Variants in GLIS3 observed in about 807,000 individuals in gnomAD.
GLIS3 encodes the protein zinc finger protein GLIS3.
In GLIS3, 53 loss-of-function variants were observed where a neutral mutation model predicts 78.6. That is an observed-to-expected ratio of 0.67 (90% CI 0.54 to 0.85). GLIS3 has a LOEUF of 0.85. GLIS3 is among the 40% of genes least tolerant of loss of function. The probability of loss-of-function intolerance (pLI) is 0.00; values close to 1 mark genes in which losing one functional copy is unlikely to be tolerated. For missense variants in GLIS3, 1,703 were observed against 1,231.1 expected (o/e 1.38, Z -5.74); for synonymous variants, 684 against 509.9 (o/e 1.34, Z -4.60).
In GLIS3 at chr9:3,985,638, T is replaced by C. The variant is rs116419268; in HGVS notation, c.1711-48449A>G. Among the ~76,000 whole-genome samples the C allele has an allele frequency of 3.3e-3, 498 of 152,352 alleles. 6 individuals are homozygous for C. Among genetic ancestry groups the C allele is most frequent in the African/African-American group, 0.011 (468 of 41,590 alleles). On this transcript the variant is annotated intron_variant, in intron 4 of 10. Transcript: ENST00000381971. ...CAACAGCTACTATTAGATTCACTAT[T>C]TTCTAAGAAACAATGTCAATTAGTA...
chr9:4,396,532 T>C, the GLIS3 span, among the ~76,000 whole-genome samples: 1 of 152,236 alleles, frequency 6.6e-6, no homozygotes, highest in Non-Finnish European at 1.5e-5. Context: ...TACTTTGATT[T>C]CTTAGTGACA....
the GLIS3 span, among the ~76,000 whole-genome samples, chr9:4,457,530 C>T: frequency 6.6e-6 from 1 of 151,836 alleles, no homozygotes. Context: ...CATCTTTGGG[C>T]CCTGTAATCA....
chr9:4,069,420 T>C (rs759102136), intron 4 of GLIS3, among the ~76,000 whole-genome samples: 6 of 152,168 alleles, frequency 3.9e-5, no homozygotes, highest in Non-Finnish European at 8.8e-5. Context: ...GGAGATAAGA[T>C]ACCTATATAT....
the GLIS3 span, among the ~76,000 whole-genome samples, chr9:4,486,683 G>A: frequency 6.6e-6 from 1 of 151,998 alleles, no homozygotes; most frequent in Non-Finnish European, 1.5e-5. Context: ...AAGGGCCTTG[G>A]TCCTCCCAGT....
intron 2 of GLIS3, among the ~76,000 whole-genome samples, chr9:4,177,487 G>A (rs1419879803): frequency 6.6e-6 from 1 of 152,150 alleles, no homozygotes; most frequent in Non-Finnish European, 1.5e-5. Flanking sequence ...TACAGGTGAA[G>A]GTGCTGGAGC....
the GLIS3 span, among the ~76,000 whole-genome samples, chr9:4,376,711 A>G: frequency 2.1e-3 from 259 of 125,032 alleles, 40 homozygotes; most frequent in Middle Eastern, 9.4e-3. Context: ...TCAAATAAAT[A>G]TAACAAAAAC....
At chr9:4,328,459 A>C (rs1412618684) in intron 2 of GLIS3, among the ~76,000 whole-genome samples, 2 of 152,180 alleles carry the variant, frequency 1.3e-5, no homozygotes, top group Non-Finnish European at 2.9e-5. Context: ...TTCTGCTCCC[A>C]CCTTTTCACC....
At position 4,286,187 on chromosome 9, in the gene GLIS3, T is replaced by C. The variant is rs375256589; in HGVS notation, c.239A>G (p.His80Arg). The change falls in exon 2 of 11, where the codon CAT becomes CGT. Residue 80 changes from histidine to arginine, a missense_variant. By Grantham distance (29) the His-to-Arg change is conservative. Coordinates refer to ENST00000381971, the MANE Select transcript of GLIS3 (RefSeq NM_001042413.2). The part of the protein sequence containing the change: ...PQNNVAESRI[H>R]LPALSPRRQM... ...TCTCCTGGGGCTTAAGGCAGGCAGA[T>C]GGATGCGGCTCTCAGCCACGTTGTT... The C allele has an allele frequency of 3.7e-6, 6 of 1,614,106 alleles. No homozygotes were observed. The highest frequency in any genetic ancestry group is 5.1e-6 in the Non-Finnish European group (6 of 1,180,048).
intron 10 of GLIS3, among the ~76,000 whole-genome samples, chr9:3,828,861 C>T (rs903979831): frequency 3.9e-5 from 6 of 152,082 alleles, no homozygotes; most frequent in African/African-American, 1.2e-4. Flanking sequence ...TATGTGTGGG[C>T]AGGTGTGCAG....
At chr9:4,310,257 C>T (rs1295456692) in intron 3 of GLIS3, 1 of 152,032 alleles carries the variant, frequency 6.6e-6, no homozygotes, top group Non-Finnish European at 1.5e-5. Flanking sequence ...TCATGTGGCC[C>T]AGGAAATATA....
At chr9:4,433,905 G>C in the GLIS3 span, among the ~76,000 whole-genome samples, 1 of 152,152 alleles carries the variant, frequency 6.6e-6, no homozygotes, top group East Asian at 1.9e-4. Flanking sequence ...GACCATCCTG[G>C]CCAACATGGT....
At chr9:4,151,589 T>C (rs1469118355) in intron 2 of GLIS3, among the ~76,000 whole-genome samples, 3 of 152,214 alleles carry the variant, frequency 2.0e-5, no homozygotes, top group South Asian at 2.1e-4. Flanking sequence ...AAGGCTATTA[T>C]TTCTTGGCAA....
At chr9:4,206,388 A>G (rs7048915) in intron 2 of GLIS3, among the ~76,000 whole-genome samples, 106,862 of 152,144 alleles carry the variant, frequency 0.7, 38,690 homozygotes, top group East Asian at 0.97. Context: ...AAGACTGCCT[A>G]ACATCTAACC....
intron 4 of GLIS3, among the ~76,000 whole-genome samples, chr9:4,308,170 A>G (rs149087567): frequency 1.3e-5 from 2 of 152,220 alleles, no homozygotes; most frequent in Non-Finnish European, 2.9e-5. Context: ...GACCTATCTG[A>G]AAGCCTTAAC....
chr9:3,943,173 C>T (rs1430058634), intron 4 of GLIS3, among the ~76,000 whole-genome samples: 1 of 152,194 alleles, frequency 6.6e-6, no homozygotes. Context: ...CATTCTTAGA[C>T]TGGATGCATT....
intron 7 of GLIS3, among the ~76,000 whole-genome samples, chr9:3,897,700 C>T (rs942787113): frequency 3.3e-5 from 5 of 152,188 alleles, no homozygotes; most frequent in Admixed American, 2.0e-4. Flanking sequence ...TGCTTACTGC[C>T]CTTTCTCTCT....
chr9:4,440,588 T>C, the GLIS3 span, among the ~76,000 whole-genome samples: 2 of 152,220 alleles, frequency 1.3e-5, no homozygotes, highest in African/African-American at 2.4e-5. Flanking sequence ...TTAAATCAGG[T>C]AGTGTTACAC....
chr9:4,163,037 A>G (rs1008392355), intron 2 of GLIS3, among the ~76,000 whole-genome samples: 1 of 152,202 alleles, frequency 6.6e-6, no homozygotes, highest in Admixed American at 6.5e-5. Flanking sequence ...GGAGAGGGGA[A>G]GTAGCAACAA....
At chr9:4,411,620 T>C in the GLIS3 span, among the ~76,000 whole-genome samples, 7 of 152,200 alleles carry the variant, frequency 4.6e-5, no homozygotes, top group African/African-American at 1.7e-4. Context: ...TTTGACCTAA[T>C]TTTTAGAAAA....
Sources: allele counts gnomAD v4.1 joint callset (sites outside exome capture counted in the v4.1 genomes callset), GRCh38; gene constraint gnomAD v4.1.1; transcripts MANE v1.5; gene names NCBI Gene and HGNC (gene_info 2026-07-23, HGNC 2026-07-21).